The following ZNF148 variants were observed in gnomAD, a reference collection of about 807,000 sequenced individuals.
ZNF148 encodes Beta-Enolase Repressor Factor-1.
ZNF148 carries 7 observed loss-of-function variants against 67.7 expected under a neutral mutation model. That is an observed-to-expected ratio of 0.10 (90% CI 0.06 to 0.19). ZNF148 has a LOEUF of 0.19. Among genes scored for constraint, ZNF148 ranks in the 10% least tolerant of loss-of-function variants. The pLI, the probability that ZNF148 is intolerant of heterozygous loss-of-function variation, is 1.00. For synonymous variants in ZNF148, 333 were observed against 330.7 expected (o/e 1.01, Z -0.08); for missense variants, 583 against 947.1 (o/e 0.62, Z 5.05).
chr3:125,361,962 C>T (rs960008180), intron 1 of ZNF148, among the ~76,000 whole-genome samples: 8 of 152,234 alleles, frequency 5.3e-5, no homozygotes, highest in South Asian at 2.1e-4. Flanking sequence ...TTATTGTCTC[C>T]CTATATAATT....
chr3:125,363,167 T>C (rs1345791880), intron 1 of ZNF148, among the ~76,000 whole-genome samples: 2 of 152,248 alleles, frequency 1.3e-5, no homozygotes, highest in African/African-American at 4.8e-5. Flanking sequence ...GGAATTAGAA[T>C]ATATAATGAT....
At chr3:125,268,671 C>T (rs1937595567) in intron 7 of ZNF148, among the ~76,000 whole-genome samples, 3 of 152,242 alleles carry the variant, frequency 2.0e-5, no homozygotes, top group Admixed American at 1.3e-4. Context: ...CTAAGTCCCG[C>T]AATTGCAACA....
intron 7 of ZNF148, among the ~76,000 whole-genome samples, chr3:125,239,449 A>T (rs1044984305): frequency 2.6e-5 from 4 of 152,218 alleles, no homozygotes; most frequent in Non-Finnish European, 4.4e-5. Context: ...TCATCAGGGA[A>T]ATATAAATCA....
intron 1 of ZNF148, among the ~76,000 whole-genome samples, chr3:125,346,576 T>C (rs569711506): frequency 1.2e-4 from 19 of 152,192 alleles, no homozygotes; most frequent in Non-Finnish European, 2.6e-4. Flanking sequence ...AGGAAGATGA[T>C]TGGATCACAC....
At chr3:125,274,534 G>A (rs1937939521) in intron 7 of ZNF148, among the ~76,000 whole-genome samples, 1 of 152,138 alleles carries the variant, frequency 6.6e-6, no homozygotes, top group South Asian at 2.1e-4. Context: ...TGTAGGAAAT[G>A]GAATTAAATA....
At chr3:125,362,244 C>T (rs1382615830) in intron 1 of ZNF148, among the ~76,000 whole-genome samples, 1 of 152,120 alleles carries the variant, frequency 6.6e-6, no homozygotes, top group African/African-American at 2.4e-5. Context: ...TATAAAATTC[C>T]CTCAAATCAC....
chr3:125,236,583 T>C (rs1445065805), intron 7 of ZNF148, among the ~76,000 whole-genome samples: 1 of 152,128 alleles, frequency 6.6e-6, no homozygotes, highest in East Asian at 1.9e-4. Flanking sequence ...TACTATAAAA[T>C]GTGCAGGAGA....
At chr3:125,327,142 C>G (rs1941064799) in intron 2 of ZNF148, among the ~76,000 whole-genome samples, 1 of 151,834 alleles carries the variant, frequency 6.6e-6, no homozygotes, top group African/African-American at 2.4e-5. Flanking sequence ...GACTTTAAGA[C>G]TATAGAGACA....
chr3:125,344,293 C>G (rs1941853527), intron 1 of ZNF148: 1 of 442,972 alleles, frequency 2.3e-6, no homozygotes, highest in African/African-American at 2.0e-5. Context: ...TGAAGTGAAG[C>G]CCCCATGACC....
chr3:125,299,441 A>G (rs1939470085), intron 4 of ZNF148, among the ~76,000 whole-genome samples: 1 of 152,200 alleles, frequency 6.6e-6, no homozygotes, highest in African/African-American at 2.4e-5. Flanking sequence ...GAGGCAAAAG[A>G]CTGGCTTGAA....
rs750712268 is a variant in ZNF148 at position 125,299,510 on chromosome 3, TAAA to T, written c.334-11285_334-11283del. ...CAAGTTTCCATCTCTGTAAAAAATT[TAAA>T]AATAAAAATAATAAAGTCATCTATA... On this transcript the variant is annotated intron_variant, in intron 4 of 8. Transcript: ENST00000360647. Among the ~76,000 whole-genome samples the T allele has an allele frequency of 3.5e-4, 53 of 152,216 alleles. No individual in the cohort carries two copies. The Middle Eastern group carries it at 0.017, about 49-fold the overall frequency.
In ZNF148 at chr3:125,228,051, G is replaced by A. The variant is rs1266993865; in HGVS notation, c.*4290C>T. The A allele has an allele frequency of 6.6e-6, 1 of 152,568 alleles. No individual in the cohort carries two copies. The highest frequency in any genetic ancestry group is 1.5e-5 in the Non-Finnish European group (1 of 68,022). The allele number at this position is 152,568 out of a possible 1,614,324, so 9.5% of individuals were successfully genotyped here. A position where few individuals can be genotyped will look rare whatever the true frequency, so the allele number is the denominator to read the frequency against. ...GAAAAATAAGTATCTAAAAATCAAT[G>A]TAGAAAGTTTAGAATTATTGAAATG... is the stretch of plus-strand genomic sequence containing the variant. On this transcript the variant is annotated 3_prime_UTR_variant, in exon 9 of 9. Transcript: ENST00000360647.
intron 7 of ZNF148, among the ~76,000 whole-genome samples, chr3:125,263,346 T>C (rs1338273441): frequency 6.6e-6 from 1 of 151,874 alleles, no homozygotes; most frequent in Non-Finnish European, 1.5e-5. Flanking sequence ...AGGTGAGGAG[T>C]TCGAGACCAG....
intron 1 of ZNF148, among the ~76,000 whole-genome samples, chr3:125,356,049 T>A (rs775206138): frequency 2.0e-5 from 3 of 152,142 alleles, no homozygotes; most frequent in Non-Finnish European, 4.4e-5. Context: ...AAAATATATC[T>A]TCCCCCCGTT....
chr3:125,366,260 A>G (rs1942699397), intron 1 of ZNF148, among the ~76,000 whole-genome samples: 1 of 152,220 alleles, frequency 6.6e-6, no homozygotes, highest in South Asian at 2.1e-4. Flanking sequence ...ATAATTCTCC[A>G]TAATCATACA....
chr3:125,372,858 T>C (rs1270783598), intron 1 of ZNF148, among the ~76,000 whole-genome samples: 1 of 151,942 alleles, frequency 6.6e-6, no homozygotes, highest in Non-Finnish European at 1.5e-5. Context: ...CCCAGCTACT[T>C]GGGAGGTTGA....
At chr3:125,302,332 C>T (rs1342216671) in intron 4 of ZNF148, among the ~76,000 whole-genome samples, 1 of 150,306 alleles carries the variant, frequency 6.7e-6, no homozygotes, top group Non-Finnish European at 1.5e-5. Flanking sequence ...GAACCATGAT[C>T]ATGCCACTGC....
At chr3:125,309,874 C>T (rs191786064) in intron 4 of ZNF148, among the ~76,000 whole-genome samples, 2 of 152,226 alleles carry the variant, frequency 1.3e-5, no homozygotes, top group Non-Finnish European at 2.9e-5. Context: ...CAAGCTCGCA[C>T]GTAACATTTC....
chr3:125,341,174 GA>G (rs1238127807), intron 1 of ZNF148, among the ~76,000 whole-genome samples: 42 of 132,386 alleles, frequency 3.2e-4, no homozygotes, highest in East Asian at 4.3e-4. Flanking sequence ...TGCAACAAGT[GA>G]AAAAAAAAAC....
Sources: gnomAD v4.1 joint callset for allele counts (sites outside exome capture counted in the v4.1 genomes callset) on GRCh38, gnomAD v4.1.1 for gene constraint, MANE v1.5 for transcripts, NCBI Gene and HGNC (gene_info 2026-07-23, HGNC 2026-07-21) for gene names.